The following EML4 variants were observed in gnomAD, a reference collection of about 807,000 sequenced individuals.
EML4 encodes the protein echinoderm microtubule-associated protein-like 4.
Under a neutral mutation model 129.0 loss-of-function variants are expected in EML4, and 72 were observed. The observed-to-expected ratio is 0.56, with a 90% confidence interval of 0.46 to 0.68. The LOEUF (loss-of-function observed/expected upper bound fraction) is 0.68, where lower values mean the gene tolerates loss of function less well. Ranked by LOEUF, EML4 falls within the 30% of genes least tolerant of loss-of-function variation. The probability of loss-of-function intolerance (pLI) is 0.00; values close to 1 mark genes in which losing one functional copy is unlikely to be tolerated. For missense variants in EML4, 1,363 were observed against 1,190.6 expected (o/e 1.14, Z -2.13); for synonymous variants, 532 against 405.0 (o/e 1.31, Z -3.77).
At position 42,301,251 on chromosome 2, in the gene EML4, A is replaced by C. The variant is rs138957012; in HGVS notation, c.1500A>C (p.Gln500His). 14 of 1,611,600 alleles carry C rather than the reference A, an allele frequency of 8.7e-6. No individual in the cohort carries two copies. Among genetic ancestry groups the C allele is most frequent in the Non-Finnish European group, 1.7e-6 (2 of 1,179,126 alleles). ...TPGKGPKGVY[Q>H]ISKQIKAHDG... The stretch of plus-strand genomic sequence containing the variant: ...TTTCCCTCATATTAGGTGTATATCA[A>C]ATCAGCAAACAAATCAAAGCTCATG... The change falls in exon 14 of 23, where the codon CAA becomes CAC. Residue 500 changes from glutamine (Q) to histidine (H), a missense_variant. By Grantham distance (24) the Gln-to-His change is conservative (BLOSUM62 0). Transcript: ENST00000318522.
At chr2:42,202,224 A>T (rs1379671206) in intron 1 of EML4, among the ~76,000 whole-genome samples, 1 of 152,224 alleles carries the variant, frequency 6.6e-6, no homozygotes, top group Non-Finnish European at 1.5e-5. Flanking sequence ...TCTATTGCAC[A>T]GTATGATGTC....
At chr2:42,231,483 G>T (rs1674340946) in intron 1 of EML4, among the ~76,000 whole-genome samples, 2 of 152,200 alleles carry the variant, frequency 1.3e-5, no homozygotes, top group Non-Finnish European at 2.9e-5. Context: ...ACATCTTTCT[G>T]CTCCCTCATT....
chr2:42,217,953 G>T (rs1471615619), intron 1 of EML4, among the ~76,000 whole-genome samples: 1 of 152,088 alleles, frequency 6.6e-6, no homozygotes, highest in African/African-American at 2.4e-5. Context: ...TTAATTTATG[G>T]GTCTCAGTCA....
chr2:42,250,105 A>G (rs940511636), intron 2 of EML4, among the ~76,000 whole-genome samples: 8 of 152,186 alleles, frequency 5.3e-5, no homozygotes, highest in Non-Finnish European at 1.2e-4. Context: ...TGTGAAGACA[A>G]ACTGTTAGTA....
intron 17 of EML4, among the ~76,000 whole-genome samples, chr2:42,314,398 C>A (rs1238846838): frequency 6.6e-6 from 1 of 152,088 alleles, no homozygotes; most frequent in Admixed American, 6.5e-5. Context: ...CTGTTCAGTT[C>A]ATGAATGAAT....
At chr2:42,274,332 G>A (rs1666535785) in intron 6 of EML4, among the ~76,000 whole-genome samples, 3 of 152,274 alleles carry the variant, frequency 2.0e-5, no homozygotes, top group Admixed American at 6.5e-5. Context: ...TAAGTTGTAA[G>A]CAATCTAAAC....
At chr2:42,247,396 T>C (rs189823376) in intron 2 of EML4, among the ~76,000 whole-genome samples, 2 of 152,282 alleles carry the variant, frequency 1.3e-5, no homozygotes, top group Admixed American at 1.3e-4. Context: ...ACCCTGAGGC[T>C]ATGGAGGCGG....
intron 6 of EML4, among the ~76,000 whole-genome samples, chr2:42,272,764 T>G (rs1243490453): frequency 6.6e-6 from 1 of 152,202 alleles, no homozygotes; most frequent in Non-Finnish European, 1.5e-5. Flanking sequence ...CGTATAAGAT[T>G]AGAACGTTCT....
At chr2:42,247,662 G>GCTTT (rs1553375550) in intron 2 of EML4, among the ~76,000 whole-genome samples, 20 of 151,942 alleles carry the variant, frequency 1.3e-4, no homozygotes, top group African/African-American at 4.6e-4. Context: ...TTGCTTGCTT[G>GCTTT]ATTTATTTAT....
intron 1 of EML4, among the ~76,000 whole-genome samples, chr2:42,177,967 A>T (rs1165608426): frequency 6.6e-6 from 1 of 152,206 alleles, no homozygotes; most frequent in Non-Finnish European, 1.5e-5. Context: ...TGAAAGATAC[A>T]TTTTTAGTGG....
intron 1 of EML4, among the ~76,000 whole-genome samples, chr2:42,220,774 G>T (rs1673539534): frequency 6.6e-6 from 1 of 152,160 alleles, no homozygotes; most frequent in Non-Finnish European, 1.5e-5. Flanking sequence ...CAGAGAAAAA[G>T]TTTCTGAAGA....
At position 42,263,224 on chromosome 2, in the gene EML4, A is replaced by G; in HGVS notation, c.559A>G (p.Asn187Asp). Residue 187 changes from asparagine (N) to aspartate (D), a missense_variant, in exon 5 of 23, where the codon AAT (asparagine) becomes GAT (aspartate). Asn to Asp is a conservative substitution (Grantham distance 23). Transcript: ENST00000318522. ...PAEKSHNSWENSDDSRNKLSK... is the reference protein window; with the variant it reads ...PAEKSHNSWEDSDDSRNKLSK... ...TGAAAAGTCACATAATTCTTGGGAAAATTCAGATGATAGCCGTAATAAATT... is the reference window on the plus strand; with the variant it reads ...TGAAAAGTCACATAATTCTTGGGAAGATTCAGATGATAGCCGTAATAAATT... 6.2e-7 allele frequency: 1 copy of G among 1,613,238 alleles called. No homozygotes were observed. The highest frequency in any genetic ancestry group is 8.5e-7 in the Non-Finnish European group (1 of 1,179,660).
Position 42,169,458 on chromosome 2 carries a change from C to T in EML4, c.-154C>T, listed in dbSNP as rs964678910. 3.1e-5 allele frequency: 26 copies of T among 834,530 alleles called. No homozygotes were observed. Among genetic ancestry groups the T allele is most frequent in the Non-Finnish European group, 4.3e-5 (24 of 556,142 alleles). 51.7% of individuals were successfully genotyped at this position (834,530 alleles called of 1,614,324 possible). On this transcript the variant is annotated 5_prime_UTR_variant, in exon 1 of 23. Transcript: ENST00000318522. Reference sequence around the variant, plus strand: ...TTCGGGCGGCCGCGGCTTACTACCCCAGGGCGAACGGACGGACGACGGAGG... The same window carrying T: ...TTCGGGCGGCCGCGGCTTACTACCCTAGGGCGAACGGACGGACGACGGAGG...
At position 42,283,539 on chromosome 2, in the gene EML4, A is replaced by G. The variant is rs536656039; in HGVS notation, c.941+567A>G. 2.0e-5 allele frequency among the ~76,000 whole-genome samples: 3 copies of G among 152,162 alleles called. No homozygotes were observed. In the East Asian group the frequency reaches 5.8e-4, roughly 29 times the overall value. ...ATTTTCCAACTTTTATTTTTTATTT[A>G]TTACCCTTTTCCCCACTTAGATCCA... On this transcript the variant is annotated intron_variant, in intron 8 of 22. Transcript: ENST00000318522.
At chr2:42,256,408 A>G (rs1330126929) in intron 2 of EML4, 93 bp from the exon 3 acceptor site, 33 of 1,259,700 alleles carry the variant, frequency 2.6e-5, no homozygotes, top group Non-Finnish European at 3.6e-5. Context: ...TTTTTCTACC[A>G]CCCCCTCCTT....
chr2:42,174,080 A>G (rs1670433104), intron 1 of EML4, among the ~76,000 whole-genome samples: 1 of 152,148 alleles, frequency 6.6e-6, no homozygotes, highest in South Asian at 2.1e-4. Flanking sequence ...TTTCTGTCTT[A>G]TGTGTAAGTT....
chr2:42,269,075 C>G (rs928312807), intron 6 of EML4, among the ~76,000 whole-genome samples: 1 of 152,184 alleles, frequency 6.6e-6, no homozygotes. Context: ...GATATCCTAA[C>G]TGTACAGGTA....
intron 2 of EML4, among the ~76,000 whole-genome samples, chr2:42,247,235 C>G (rs1231073093): frequency 6.6e-6 from 1 of 152,132 alleles, no homozygotes; most frequent in African/African-American, 2.4e-5. Context: ...ACCACAACTT[C>G]TAGCCCTGAT....
intron 1 of EML4, among the ~76,000 whole-genome samples, chr2:42,240,733 G>T (rs979118105): frequency 6.6e-6 from 1 of 152,182 alleles, no homozygotes; most frequent in African/African-American, 2.4e-5. Flanking sequence ...CTTACTGAAA[G>T]CATCCTGTAT....
Sources: gnomAD v4.1 joint callset for allele counts (sites outside exome capture counted in the v4.1 genomes callset) on GRCh38, gnomAD v4.1.1 for gene constraint, MANE v1.5 for transcripts, NCBI Gene and HGNC (gene_info 2026-07-23, HGNC 2026-07-21) for gene names.